PNLIPRP3: variants seen among roughly 807,000 people sequenced by gnomAD.
PNLIPRP3 encodes the protein pancreatic lipase-related protein 3.
Under a neutral mutation model 52.8 loss-of-function variants are expected in PNLIPRP3, and 58 were observed. That is an observed-to-expected ratio of 1.10 (90% confidence interval 0.89 to 1.37). The LOEUF (loss-of-function observed/expected upper bound fraction) is 1.37, where lower values mean the gene tolerates loss of function less well. Ranked by LOEUF, PNLIPRP3 falls within the 40% of genes most tolerant of loss-of-function variation. The pLI is 0.00. For missense variants in PNLIPRP3, 593 were observed against 561.6 expected, an observed-to-expected ratio of 1.06 and a Z score of -0.57; for synonymous variants, 192 against 185.0, an observed-to-expected ratio of 1.04 and a Z score of -0.31.
chr10:116,446,509 G>A (rs1845954210), intron 4 of PNLIPRP3, among the ~76,000 whole-genome samples: 1 of 152,170 alleles, frequency 6.6e-6, no homozygotes, highest in African/African-American at 2.4e-5. Context: ...GAAAAAAATG[G>A]AATATTTGAT....
At chr10:116,446,119 G>T (rs1019885072) in intron 4 of PNLIPRP3, among the ~76,000 whole-genome samples, 11 of 152,094 alleles carry the variant, frequency 7.2e-5, no homozygotes, top group African/African-American at 2.2e-4. Context: ...GGCCAAGGCG[G>T]GTAGATCACA....
intron 7 of PNLIPRP3, among the ~76,000 whole-genome samples, chr10:116,465,727 C>T (rs1200260408): frequency 3.3e-5 from 5 of 152,114 alleles, no homozygotes; most frequent in South Asian, 4.1e-4. Context: ...ACTGAGGACA[C>T]ACCCCTATCT....
chr10:116,452,292 C>G (rs1846050887), intron 4 of PNLIPRP3, among the ~76,000 whole-genome samples: 1 of 152,200 alleles, frequency 6.6e-6, no homozygotes, highest in African/African-American at 2.4e-5. Flanking sequence ...AAATAAATGA[C>G]TTAAAGTTGG....
intron 7 of PNLIPRP3, 125 bp from the exon 8 acceptor site, chr10:116,465,925 T>A (rs1846275765): frequency 1.4e-6 from 1 of 736,900 alleles, no homozygotes; most frequent in African/African-American, 1.8e-5. Flanking sequence ...TATCCAAGCC[T>A]AGACAAAAGG....
intron 10 of PNLIPRP3, among the ~76,000 whole-genome samples, chr10:116,475,957 G>A (rs1428183755): frequency 6.6e-6 from 1 of 152,146 alleles, no homozygotes; most frequent in African/African-American, 2.4e-5. Context: ...CATAGGAAAT[G>A]GGAGTCAGGA....
In PNLIPRP3 at chr10:116,461,053, A is replaced by G. The variant is rs1339760752; in HGVS notation, c.653A>G (p.His218Arg). Residue 218 changes from histidine to arginine, a missense_variant, in exon 6 of 12, where the codon CAT becomes CGT. By Grantham distance (29) the His-to-Arg change is conservative. Coordinates refer to ENST00000369230, the MANE Select transcript of PNLIPRP3 (RefSeq NM_001011709.3). ...PSDANFVDVI[H>R]TNAARILFEL... is the part of the protein sequence containing the mutation. ...GATGCCAACTTTGTTGACGTTATTC[A>G]TACAAATGCAGCTCGCATCCTCTTT... 3 of 1,614,094 alleles carry G rather than the reference A, an allele frequency of 1.9e-6. No individual in the cohort carries two copies. Among genetic ancestry groups the G allele is most frequent in the Non-Finnish European group, 2.5e-6 (3 of 1,180,044 alleles).
chr10:116,458,467 A>G (rs1274652951), intron 5 of PNLIPRP3, among the ~76,000 whole-genome samples: 1 of 143,022 alleles, frequency 7.0e-6, no homozygotes, highest in African/African-American at 2.6e-5. Context: ...TTTTTTTTTT[A>G]ATCTGATTGC....
intron 8 of PNLIPRP3, among the ~76,000 whole-genome samples, chr10:116,466,774 T>C (rs888471241): frequency 1.3e-5 from 2 of 152,228 alleles, no homozygotes; most frequent in Non-Finnish European, 2.9e-5. Flanking sequence ...CCTAATCCCC[T>C]GTTTTATCAC....
intron 8 of PNLIPRP3, 42 bp from the exon 9 acceptor site, chr10:116,469,143 T>A: frequency 6.4e-7 from 1 of 1,567,972 alleles, no homozygotes; most frequent in African/African-American, 1.4e-5. Flanking sequence ...AGGACAACAT[T>A]TCTAATTACA....
At chr10:116,436,008 G>T (rs1263139724) in intron 1 of PNLIPRP3, among the ~76,000 whole-genome samples, 1 of 152,184 alleles carries the variant, frequency 6.6e-6, no homozygotes, top group Non-Finnish European at 1.5e-5. Flanking sequence ...ATAAACAAAT[G>T]GAACAGAGTA....
chr10:116,430,382 G>T (rs756190373), intron 1 of PNLIPRP3, among the ~76,000 whole-genome samples: 2 of 151,954 alleles, frequency 1.3e-5, no homozygotes, highest in Non-Finnish European at 2.9e-5. Context: ...TGATATGATG[G>T]CTGGGTAGCT....
intron 2 of PNLIPRP3, among the ~76,000 whole-genome samples, chr10:116,440,931 C>T (rs966989601): frequency 1.3e-5 from 2 of 152,150 alleles, no homozygotes; most frequent in East Asian, 1.9e-4. Context: ...GGATTGATCT[C>T]GTACCTATTA....
At chr10:116,443,773 G>A (rs1845896149) in intron 3 of PNLIPRP3, among the ~76,000 whole-genome samples, 1 of 58,834 alleles carries the variant, frequency 1.7e-5, no homozygotes, top group African/African-American at 4.3e-5. Flanking sequence ...GTATGTGTGT[G>A]TGTGTGTGTG....
intron 10 of PNLIPRP3, among the ~76,000 whole-genome samples, chr10:116,472,347 T>A (rs192646098): frequency 5.3e-5 from 8 of 152,348 alleles, no homozygotes. Context: ...AGTTCAGATG[T>A]TCATTTTGTA....
chr10:116,458,639 T>C (rs1399715373), intron 5 of PNLIPRP3, among the ~76,000 whole-genome samples: 1 of 152,198 alleles, frequency 6.6e-6, no homozygotes, highest in Admixed American at 6.5e-5. Flanking sequence ...TCCTCTTTGT[T>C]AAGCGCGAAT....
At chr10:116,466,714 C>T (rs1389941793) in intron 8 of PNLIPRP3, among the ~76,000 whole-genome samples, 1 of 152,184 alleles carries the variant, frequency 6.6e-6, no homozygotes, top group Non-Finnish European at 1.5e-5. Context: ...GAAAGAAAAT[C>T]TATTTTGTAG....
chr10:116,448,982 C>T (rs904907197), intron 4 of PNLIPRP3, among the ~76,000 whole-genome samples: 1 of 148,498 alleles, frequency 6.7e-6, no homozygotes, highest in Non-Finnish European at 1.5e-5. Flanking sequence ...TGCCATTACA[C>T]TCCAGCCTTG....
chr10:116,475,292 G>T (rs1244031559), intron 10 of PNLIPRP3, among the ~76,000 whole-genome samples: 1 of 152,196 alleles, frequency 6.6e-6, no homozygotes, highest in Non-Finnish European at 1.5e-5. Flanking sequence ...AGAGGGTGAA[G>T]GGTGGGAGGA....
At chr10:116,470,671 G>T (rs1388783510) in intron 9 of PNLIPRP3, among the ~76,000 whole-genome samples, 2 of 151,926 alleles carry the variant, frequency 1.3e-5, no homozygotes, top group African/African-American at 2.4e-5. Context: ...ACCACGCTAG[G>T]CTAGTTTTTT....
Sources: allele counts gnomAD v4.1 joint callset (sites outside exome capture counted in the v4.1 genomes callset), GRCh38; gene constraint gnomAD v4.1.1; transcripts MANE v1.5; gene names NCBI Gene and HGNC (gene_info 2026-07-23, HGNC 2026-07-21).